The following SPIRE1 variants were observed in gnomAD, a reference collection of about 807,000 sequenced individuals.
SPIRE1 encodes protein spire homolog 1.
Under a neutral mutation model 94.1 loss-of-function variants are expected in SPIRE1, and 40 were observed. The ratio of observed to expected loss-of-function variants is 0.43; its 90% CI spans 0.33 to 0.55. The LOEUF is 0.55. Among genes scored for constraint, SPIRE1 ranks in the 20% least tolerant of loss-of-function variants. The pLI is 0.06. For missense variants in SPIRE1, 838 were observed against 975.2 expected, an observed-to-expected ratio of 0.86 and a Z score of 1.87; for synonymous variants, 376 against 371.7, an observed-to-expected ratio of 1.01 and a Z score of -0.13.
chr18:12,512,733 C>T (rs2034074669), intron 4 of SPIRE1, among the ~76,000 whole-genome samples: 1 of 151,360 alleles, frequency 6.6e-6, no homozygotes. Context: ...AGATTGCTCA[C>T]TCTAATTTCC....
At chr18:12,572,784 C>T (rs938711597) in intron 2 of SPIRE1, among the ~76,000 whole-genome samples, 2 of 151,980 alleles carry the variant, frequency 1.3e-5, no homozygotes, top group African/African-American at 2.4e-5. Flanking sequence ...CAAAATGAAG[C>T]CAGGATTGTC....
chr18:12,573,666 A>C (rs897691519), intron 2 of SPIRE1, among the ~76,000 whole-genome samples: 7 of 152,254 alleles, frequency 4.6e-5, no homozygotes, highest in Admixed American at 2.6e-4. Context: ...GACATGTGTC[A>C]TCATATATCT....
At chr18:12,637,666 T>A (rs1285105724) in intron 1 of SPIRE1, among the ~76,000 whole-genome samples, 2 of 152,148 alleles carry the variant, frequency 1.3e-5, no homozygotes, top group African/African-American at 4.8e-5. Context: ...CTAGCTCTGC[T>A]CATCAAAAGT....
chr18:12,513,444 T>C (rs919240883), intron 4 of SPIRE1, among the ~76,000 whole-genome samples: 1 of 152,176 alleles, frequency 6.6e-6, no homozygotes, highest in African/African-American at 2.4e-5. Flanking sequence ...TTAAATGCAC[T>C]GTATGAAATC....
Position 12,453,512 on chromosome 18 carries a change from C to A in SPIRE1, c.1777-374G>T, listed in dbSNP as rs565871246. Among the ~76,000 whole-genome samples the A allele has an allele frequency of 3.5e-3, 529 of 150,942 alleles. 2 individuals are homozygous for A. Among genetic ancestry groups the A allele is most frequent in the African/African-American group, 0.012 (504 of 41,000 alleles). On this transcript the variant is annotated intron_variant, in intron 13 of 16. Transcript: ENST00000409402. ...GCAATGGCATGATCTTGGCTCACTG[C>A]AAGCTCCGCCTCCTGGGTTCACGCC...
At chr18:12,654,528 T>A (rs1478484335) in intron 1 of SPIRE1, among the ~76,000 whole-genome samples, 2 of 151,034 alleles carry the variant, frequency 1.3e-5, no homozygotes, top group African/African-American at 4.9e-5. Flanking sequence ...GCATCTTTAG[T>A]CCCAGCTACT....
rs1043698101 is a variant in SPIRE1 at position 12,657,786 on chromosome 18, C to T, written c.81G>A (p.Gly27=). The change falls in exon 1 of 17, where the codon GGG becomes GGA. Residue 27 remains glycine, a synonymous_variant. Transcript: ENST00000409402. ...AGCCCCCGGCCGCGCCGCCGGCTGC[C>T]CCGGGCTCCCGCGGCCCCTCGCCGC... ...AVGGEGPREP[G]AAGGAAGGSR... 26 of 1,298,324 alleles carry T rather than the reference C, an allele frequency of 2.0e-5. 1 individual carries two copies. Among genetic ancestry groups the T allele is most frequent in the Non-Finnish European group, 2.4e-5 (24 of 1,020,094 alleles). 80.4% of individuals were successfully genotyped at this position (1,298,324 alleles called of 1,614,324 possible). A position where few individuals can be genotyped will look rare whatever the true frequency, so the allele number is the denominator to read the frequency against.
intron 4 of SPIRE1, among the ~76,000 whole-genome samples, chr18:12,526,514 G>C (rs897466392): frequency 1.3e-5 from 2 of 152,046 alleles, no homozygotes; most frequent in South Asian, 4.1e-4. Flanking sequence ...CAGAGATCAT[G>C]TTCATCTCAT....
chr18:12,470,293 G>A (rs866356657), intron 10 of SPIRE1, among the ~76,000 whole-genome samples: 3 of 152,228 alleles, frequency 2.0e-5, no homozygotes, highest in South Asian at 4.1e-4. Context: ...TTTCCAAGAA[G>A]GAAATAACTA....
At position 12,559,242 on chromosome 18, in the gene SPIRE1, G is replaced by A. The variant is rs1457657311; in HGVS notation, c.373-12338C>T. ...GTCCCGAGCCCTGCCCCGCAGGGAG[G>A]CAGCTGAGGCCTAGTGAGAATTCGA... is the stretch of plus-strand genomic sequence containing the variant. On this transcript the variant is annotated intron_variant, in intron 2 of 16. Coordinates refer to ENST00000409402, the MANE Select transcript of SPIRE1 (RefSeq NM_001128626.2). This position sits in a 1 kb window ranked among gnomAD's most constrained non-coding sequence, Gnocchi z 4.7. 6.6e-6 allele frequency among the ~76,000 whole-genome samples: 1 copy of A among 152,178 alleles called. No homozygotes were observed. The highest frequency in any genetic ancestry group is 6.5e-5 in the Admixed American group (1 of 15,288).
chr18:12,534,663 G>A (rs2034785787), intron 4 of SPIRE1, among the ~76,000 whole-genome samples: 1 of 152,166 alleles, frequency 6.6e-6, no homozygotes, highest in African/African-American at 2.4e-5. Flanking sequence ...GACTTGGACT[G>A]AGCTGTGCTG....
intron 12 of SPIRE1, among the ~76,000 whole-genome samples, chr18:12,459,131 G>C (rs2031664869): frequency 6.6e-6 from 1 of 152,136 alleles, no homozygotes; most frequent in South Asian, 2.1e-4. Flanking sequence ...ATATTATTCT[G>C]TGTAAAAAAA....
chr18:12,523,762 C>T (rs1432663753), intron 4 of SPIRE1, among the ~76,000 whole-genome samples: 1 of 152,128 alleles, frequency 6.6e-6, no homozygotes, highest in Non-Finnish European at 1.5e-5. Flanking sequence ...CACCACATGG[C>T]AGCCTTGACC....
intron 6 of SPIRE1, among the ~76,000 whole-genome samples, chr18:12,501,846 C>T (rs2033676891): frequency 6.6e-6 from 1 of 152,164 alleles, no homozygotes; most frequent in African/African-American, 2.4e-5. Context: ...CTTGTAGTCC[C>T]AGCTACTCAG....
At chr18:12,461,440 A>ATGTACG (rs1568183719) in intron 12 of SPIRE1, among the ~76,000 whole-genome samples, 36,621 of 117,354 alleles carry the variant, frequency 0.31, 6,607 homozygotes, top group East Asian at 0.59. Context: ...ATGTATGTAT[A>ATGTACG]TACATACATG....
intron 2 of SPIRE1, among the ~76,000 whole-genome samples, chr18:12,603,462 A>G (rs969490606): frequency 6.6e-6 from 1 of 152,160 alleles, no homozygotes; most frequent in African/African-American, 2.4e-5. Flanking sequence ...AGGTAGCTTC[A>G]GGATGGGGCT....
At chr18:12,656,389 T>C (rs1260928880) in intron 1 of SPIRE1, among the ~76,000 whole-genome samples, 1 of 152,184 alleles carries the variant, frequency 6.6e-6, no homozygotes, top group African/African-American at 2.4e-5. Context: ...ATCGTTTACC[T>C]GACGCTAAAA....
intron 4 of SPIRE1, among the ~76,000 whole-genome samples, chr18:12,530,012 T>C (rs1297100341): frequency 1.3e-5 from 2 of 151,002 alleles, no homozygotes; most frequent in Non-Finnish European, 2.9e-5. Context: ...ATAGTAGTAA[T>C]GTCAGTATTG....
chr18:12,524,429 C>A (rs1022010611), intron 4 of SPIRE1, among the ~76,000 whole-genome samples: 12 of 152,246 alleles, frequency 7.9e-5, no homozygotes, highest in East Asian at 7.7e-4. Context: ...TAGAAAATCA[C>A]AAATTGGCAA....
Sources: gnomAD v4.1 joint callset for allele counts (sites outside exome capture counted in the v4.1 genomes callset) on GRCh38, gnomAD v4.1.1 for gene constraint, Gnocchi (gnomAD v3.1) non-coding constraint, MANE v1.5 for transcripts, NCBI Gene and HGNC (gene_info 2026-07-23, HGNC 2026-07-21) for gene names.